Variants in ENOX2 observed in about 807,000 individuals in gnomAD.
ENOX2 encodes the protein APK1 antigen.
Under a neutral mutation model 45.0 loss-of-function variants are expected in ENOX2, and 36 were observed. The observed-to-expected ratio is 0.80, with a 90% CI of 0.61 to 1.06. The LOEUF (loss-of-function observed/expected upper bound fraction) is 1.06. Ranked by LOEUF, ENOX2 falls within the 50% of genes least tolerant of loss-of-function variation. The pLI, the probability that ENOX2 is intolerant of heterozygous loss-of-function variation, is 0.00. For missense variants in ENOX2, 423 were observed against 462.5 expected (o/e 0.91, Z 0.78); for synonymous variants, 174 against 152.3 (o/e 1.14, Z -1.05).
At chrX:130,816,648 C>G (rs186005148) in intron 2 of ENOX2, among the ~76,000 whole-genome samples, 4 of 111,939 alleles carry the variant, frequency 3.6e-5, no homozygotes, top group African/African-American at 1.3e-4. Context: ...ACTGAACAAC[C>G]TGCTCCTGAA....
intron 2 of ENOX2, among the ~76,000 whole-genome samples, chrX:130,819,466 A>G (rs1316202835): frequency 8.9e-6 from 1 of 112,389 alleles, no homozygotes; most frequent in African/African-American, 3.2e-5. Context: ...AAAGACTTGG[A>G]ACCAATCCAA....
At chrX:130,791,979 C>T (rs1428245598) in intron 2 of ENOX2, among the ~76,000 whole-genome samples, 2 of 112,328 alleles carry the variant, frequency 1.8e-5, no homozygotes, top group Non-Finnish European at 3.8e-5. Flanking sequence ...TAAGAAAAGG[C>T]AGTCTCTATC....
intron 6 of ENOX2, among the ~76,000 whole-genome samples, chrX:130,673,937 C>A (rs2037060229): frequency 8.9e-6 from 1 of 112,147 alleles, no homozygotes; most frequent in Admixed American, 9.4e-5. Context: ...AGAAGCATTT[C>A]TTTTCTCCTG....
chrX:130,750,200 T>G (rs1040513405), intron 3 of ENOX2, among the ~76,000 whole-genome samples: 3 of 112,040 alleles, frequency 2.7e-5, no homozygotes, highest in South Asian at 3.8e-4. Context: ...TTGGTTGGTC[T>G]GCCTGGTGCT....
At chrX:130,797,858 G>A (rs908823553) in intron 2 of ENOX2, among the ~76,000 whole-genome samples, 6 of 111,529 alleles carry the variant, frequency 5.4e-5, no homozygotes, top group Non-Finnish European at 1.1e-4. Context: ...TGTTCTGTGT[G>A]TGTGTGTTGT....
At chrX:130,671,231 T>G (rs548045713) in intron 6 of ENOX2, among the ~76,000 whole-genome samples, 1 of 112,181 alleles carries the variant, frequency 8.9e-6, no homozygotes, top group South Asian at 3.7e-4. Flanking sequence ...GGGTTAGATT[T>G]GTCCTCCTAC....
intron 5 of ENOX2, among the ~76,000 whole-genome samples, chrX:130,686,241 G>C (rs2037445993): frequency 9.0e-6 from 1 of 110,944 alleles, no homozygotes; most frequent in African/African-American, 3.3e-5. Context: ...TTGGATCAGG[G>C]GGTGGATTTC....
Position 130,689,034 on chromosome X carries a change from A to G in ENOX2, c.98-16T>C, listed in dbSNP as rs2037522115. On this transcript the variant is annotated splice_polypyrimidine_tract_variant and intron_variant, in intron 4 of 14. Transcript: ENST00000394363. ...GGATCAAAGTCTAAAAAAGGAGAAG[A>G]GAGAACAATAAATGACACCAGGCAA... 1 of 1,192,501 alleles carries G rather than the reference A, an allele frequency of 8.4e-7. No homozygotes were observed.
At chrX:130,692,036 T>A (rs2037613216) in intron 4 of ENOX2, among the ~76,000 whole-genome samples, 1 of 113,325 alleles carries the variant, frequency 8.8e-6, no homozygotes, top group Admixed American at 9.3e-5. Context: ...CTTCCTTTTG[T>A]TCAATATGCC....
At chrX:130,863,472 T>C (rs1028702583) in intron 2 of ENOX2, among the ~76,000 whole-genome samples, 2 of 112,565 alleles carry the variant, frequency 1.8e-5, no homozygotes, top group Non-Finnish European at 3.8e-5. Context: ...CTTTTCTCTC[T>C]TGCCTTAATC....
chrX:130,658,381 C>T (rs1165088889), intron 9 of ENOX2, among the ~76,000 whole-genome samples: 2 of 111,151 alleles, frequency 1.8e-5, no homozygotes, highest in South Asian at 7.5e-4. Context: ...AAAAACAGAG[C>T]CTTGGGACCT....
intron 2 of ENOX2, among the ~76,000 whole-genome samples, chrX:130,799,880 C>A (rs769634653): frequency 2.7e-5 from 3 of 109,167 alleles, no homozygotes; most frequent in South Asian, 4.0e-4. Context: ...GGCACCCCCC[C>A]AAAAAATTAA....
rs188233735 is a variant in ENOX2, at chrX:130,857,866, T to C, written c.-183+43818A>G. 5.0e-3 allele frequency among the ~76,000 whole-genome samples: 560 copies of C among 111,750 alleles called. 2 individuals carry two copies. The highest frequency in any genetic ancestry group is 0.017 in the African/African-American group (536 of 30,819). On this transcript the variant is annotated intron_variant, in intron 2 of 14. Coordinates refer to ENST00000394363, the MANE Select transcript of ENOX2 (RefSeq NM_006375.4). ...AAACAGCAAAATGTAATTAGAAAACTCTTTTGTCTCAAATATAGAATTTTT... is the reference window on the plus strand; with the variant it reads ...AAACAGCAAAATGTAATTAGAAAACCCTTTTGTCTCAAATATAGAATTTTT...
At chrX:130,703,549 T>C (rs2037960318) in intron 3 of ENOX2, among the ~76,000 whole-genome samples, 1 of 110,426 alleles carries the variant, frequency 9.1e-6, no homozygotes, top group Non-Finnish European at 1.9e-5. Flanking sequence ...TTTTCAAGCA[T>C]ACACAACAGA....
chrX:130,887,720 C>T (rs185777476), intron 2 of ENOX2, among the ~76,000 whole-genome samples: 3 of 111,559 alleles, frequency 2.7e-5, no homozygotes, highest in African/African-American at 9.8e-5. Flanking sequence ...AGAATTCGTT[C>T]GGGATTTCAT....
intron 2 of ENOX2, among the ~76,000 whole-genome samples, chrX:130,837,025 T>C (rs1431717490): frequency 8.9e-6 from 1 of 111,906 alleles, no homozygotes; most frequent in Non-Finnish European, 1.9e-5. Context: ...ACTGACATTA[T>C]CACAGGGTTG....
chrX:130,769,033 G>A (rs1298643688), intron 3 of ENOX2, among the ~76,000 whole-genome samples: 4 of 111,260 alleles, frequency 3.6e-5, no homozygotes, highest in Non-Finnish European at 7.6e-5. Context: ...CCCTCCGCAT[G>A]ACGCTCTATG....
intron 2 of ENOX2, among the ~76,000 whole-genome samples, chrX:130,896,522 C>G (rs1052952807): frequency 9.0e-6 from 1 of 111,459 alleles, no homozygotes; most frequent in Non-Finnish European, 1.9e-5. Flanking sequence ...CTTGTTCTTT[C>G]TCTTTTTATA....
At chrX:130,882,863 G>C (rs1234003404) in intron 2 of ENOX2, among the ~76,000 whole-genome samples, 1 of 111,617 alleles carries the variant, frequency 9.0e-6, no homozygotes, top group African/African-American at 3.3e-5. Context: ...CTCCACAGTG[G>C]TTAAGAGCAT....
Sources: allele counts gnomAD v4.1 joint callset (sites outside exome capture counted in the v4.1 genomes callset), GRCh38; gene constraint gnomAD v4.1.1; transcripts MANE v1.5; gene names NCBI Gene and HGNC (gene_info 2026-07-23, HGNC 2026-07-21).